Variants in KCNMB1 observed in about 807,000 individuals in gnomAD.
KCNMB1 encodes calcium-activated potassium channel subunit beta-1.
In KCNMB1, 22 loss-of-function variants were observed where a neutral mutation model predicts 21.7. The ratio of observed to expected loss-of-function variants is 1.01; its 90% CI spans 0.72 to 1.45. The LOEUF (loss-of-function observed/expected upper bound fraction) is 1.45. Among genes scored for constraint, KCNMB1 ranks in the 40% most tolerant of loss-of-function variants. The pLI, the probability that KCNMB1 is intolerant of heterozygous loss-of-function variation, is 0.00. For synonymous variants in KCNMB1, 114 were observed against 107.6 expected (o/e 1.06, Z -0.37); for missense variants, 243 against 243.4 (o/e 1.00, Z 0.01).
At chr5:170,383,051 A>AGAAG (rs1320730268) in intron 3 of KCNMB1, 1 of 152,640 alleles carries the variant, frequency 6.6e-6, no homozygotes, top group Non-Finnish European at 1.5e-5. Context: ...AAGGAAAGAA[A>AGAAG]GAAGGAAGGA....
chr5:170,388,024 C>CCAA (rs1554088670), intron 1 of KCNMB1, among the ~76,000 whole-genome samples: 11 of 152,238 alleles, frequency 7.2e-5, no homozygotes, highest in Admixed American at 6.5e-4. Context: ...ATCAGCCCCC[C>CCAA]CCAGCGCCCA....
At chr5:170,379,780 C>G (rs1764164577) in intron 3 of KCNMB1, among the ~76,000 whole-genome samples, 1 of 152,062 alleles carries the variant, frequency 6.6e-6, no homozygotes, top group Non-Finnish European at 1.5e-5. Flanking sequence ...AAGACTTTAT[C>G]TCTACAAAAA....
At chr5:170,388,018 G>GCCC (rs3838244) in intron 1 of KCNMB1, among the ~76,000 whole-genome samples, 1 of 148,796 alleles carries the variant, frequency 6.7e-6, no homozygotes, top group Non-Finnish European at 1.5e-5. Context: ...TGGCTAATCA[G>GCCC]CCCCCCCCAG....
intron 3 of KCNMB1, 129 bp downstream of exon 3, chr5:170,383,550 C>T (rs1764337961): frequency 3.9e-6 from 4 of 1,013,492 alleles, no homozygotes; most frequent in Non-Finnish European, 6.0e-6. Flanking sequence ...CTGGCTCAGT[C>T]TCATTCCAGC....
intron 2 of KCNMB1, 69 bp from the exon 3 acceptor site, chr5:170,383,919 A>T: frequency 2.0e-6 from 3 of 1,523,386 alleles, no homozygotes; most frequent in Non-Finnish European, 1.8e-6. Flanking sequence ...ACCCATTTGA[A>T]CCCATTATCC....
At chr5:170,387,299 C>G (rs796226662) in intron 1 of KCNMB1, among the ~76,000 whole-genome samples, 43 of 152,204 alleles carry the variant, frequency 2.8e-4, no homozygotes, top group African/African-American at 1.0e-3. Flanking sequence ...AGCCAGTGTC[C>G]GGGTGACAGG....
intron 3 of KCNMB1, chr5:170,383,116 T>G: frequency 6.0e-6 from 1 of 167,026 alleles, no homozygotes; most frequent in Non-Finnish European, 1.3e-5. Context: ...TGGTGGTGAG[T>G]TTTGTGTTTT....
At position 170,377,729 on chromosome 5, in the gene KCNMB1, C is replaced by G. The variant is rs932009554; in HGVS notation, c.*975G>C. 3 of 152,208 alleles carry G rather than the reference C, an allele frequency of 2.0e-5. No homozygotes were observed. The highest frequency in any genetic ancestry group is 7.2e-5 in the African/African-American group (3 of 41,416). 9.4% of individuals were successfully genotyped at this position (152,208 alleles called of 1,614,324 possible). ...CTGGGACCACAGGTGCCCACCACCA[C>G]GCCTGGCTAATTTTTTGTATTTTTA... On this transcript the variant is annotated 3_prime_UTR_variant, in exon 4 of 4. Coordinates refer to ENST00000274629, the MANE Select transcript of KCNMB1 (RefSeq NM_004137.4).
At chr5:170,380,216 GT>G (rs1184792769) in intron 3 of KCNMB1, among the ~76,000 whole-genome samples, 2 of 152,222 alleles carry the variant, frequency 1.3e-5, no homozygotes, top group African/African-American at 2.4e-5. Flanking sequence ...ATAAAGCGGA[GT>G]TTTATCTGGT....
At chr5:170,385,787 A>C (rs1379261758) in intron 1 of KCNMB1, among the ~76,000 whole-genome samples, 6 of 152,004 alleles carry the variant, frequency 3.9e-5, no homozygotes, top group African/African-American at 1.2e-4. Flanking sequence ...TATCAATGTT[A>C]CTTTATGTGG....
At position 170,385,314 on chromosome 5, in the gene KCNMB1, C is replaced by T; in HGVS notation, c.134G>A (p.Ser45Asn). The change falls in exon 2 of 4, where the codon AGC (serine) becomes AAC (asparagine). Residue 45 changes from serine to asparagine, a missense_variant and splice_region_variant. Physicochemically the swap from Ser to Asn is conservative, Grantham distance 46. Transcript: ENST00000274629. Reference protein sequence around the residue: ...VTTVLPLYQKSVWTQESKCHL... With the variant: ...VTTVLPLYQKNVWTQESKCHL... Reference sequence around the variant, plus strand: ...TGGGCAGGCCGGGAGAGCTCAGTACCTTTTCTGGTAGAGGGGCAGCACAGT... The same window carrying T: ...TGGGCAGGCCGGGAGAGCTCAGTACTTTTTCTGGTAGAGGGGCAGCACAGT... 1 of 1,614,080 alleles carries T rather than the reference C, an allele frequency of 6.2e-7. No individual in the cohort carries two copies. Among genetic ancestry groups the T allele is most frequent in the Non-Finnish European group, 8.5e-7 (1 of 1,180,004 alleles).
chr5:170,381,367 G>A (rs1009992436), intron 3 of KCNMB1, among the ~76,000 whole-genome samples: 1 of 152,206 alleles, frequency 6.6e-6, no homozygotes, highest in Non-Finnish European at 1.5e-5. Context: ...ACCTGCTCCA[G>A]GCTAAGACTC....
chr5:170,387,433 C>T (rs1194769610), intron 1 of KCNMB1, among the ~76,000 whole-genome samples: 2 of 152,026 alleles, frequency 1.3e-5, no homozygotes, highest in African/African-American at 4.8e-5. Flanking sequence ...TGCCCTCATA[C>T]CCGGGCATCT....
Position 170,383,817 on chromosome 5 carries a change from A to C in KCNMB1, c.168T>G (p.Ile56Met), listed in dbSNP as rs186269343. ...VWTQESKCHL[I>M]ETNIRDQEEL... ...CCTCCTGGTCCCTGATGTTGGTCTC[A>C]ATCAGGTGGCACTTGGATTCCTGGG... Residue 56 changes from isoleucine (I) to methionine (M), a missense_variant, in exon 3 of 4, where the codon ATT becomes ATG. Coordinates refer to ENST00000274629, the MANE Select transcript of KCNMB1 (RefSeq NM_004137.4). 2 of 1,613,964 alleles carry C rather than the reference A, an allele frequency of 1.2e-6. No individual in the cohort carries two copies. The highest frequency in any genetic ancestry group is 1.7e-6 in the Non-Finnish European group (2 of 1,179,992).
chr5:170,379,986 T>A (rs1448449227), intron 3 of KCNMB1, among the ~76,000 whole-genome samples: 1 of 152,022 alleles, frequency 6.6e-6, no homozygotes, highest in Non-Finnish European at 1.5e-5. Flanking sequence ...TAGCTAAATT[T>A]AAAATTGAAA....
In KCNMB1 at chr5:170,383,838, C is replaced by T. The variant is rs1764356588; in HGVS notation, c.147G>A (p.Gln49=). ...LPLYQKSVWT[Q]ESKCHLIETN... ...TCTCAATCAGGTGGCACTTGGATTC[C>T]TGGGTCCACACGCTGAGGAGACCAC... Residue 49 remains glutamine, a synonymous_variant, in exon 3 of 4, where the codon CAG becomes CAA. Transcript: ENST00000274629. The T allele has an allele frequency of 2.5e-6, 4 of 1,613,860 alleles. No individual in the cohort carries two copies. Among genetic ancestry groups the T allele is most frequent in the Middle Eastern group, 1.6e-4 (1 of 6,078 alleles).
Position 170,378,767 on chromosome 5 carries a change from G to A in KCNMB1, c.513C>T (p.Gly171=), listed in dbSNP as rs1475123404. ...LFWPTFLLTG[G]LLIIAMVKSN... ...TCTTCACCATGGCGATAATGAGGAG[G>A]CCACCGGTCAGCAGGAAGGTGGGCC... is the stretch of plus-strand genomic sequence containing the variant. The change falls in exon 4 of 4, where the codon GGC becomes GGT. Residue 171 remains glycine (G), a synonymous_variant. Transcript: ENST00000274629. 2 of 1,614,082 alleles carry A rather than the reference G, an allele frequency of 1.2e-6. No homozygotes were observed. Among genetic ancestry groups the A allele is most frequent in the Non-Finnish European group, 1.7e-6 (2 of 1,180,034 alleles).
At chr5:170,386,205 G>A (rs530527179) in intron 1 of KCNMB1, among the ~76,000 whole-genome samples, 12 of 152,252 alleles carry the variant, frequency 7.9e-5, no homozygotes, top group Middle Eastern at 3.4e-3. Context: ...GCTCCTAAAT[G>A]TAATCCCAAG....
At chr5:170,387,822 C>G (rs142218216) in intron 1 of KCNMB1, among the ~76,000 whole-genome samples, 17 of 152,358 alleles carry the variant, frequency 1.1e-4, no homozygotes, top group African/African-American at 4.1e-4. Flanking sequence ...GCCCCAACAG[C>G]CTGCTTCCCC....
Sources: allele counts gnomAD v4.1 joint callset (sites outside exome capture counted in the v4.1 genomes callset), GRCh38; gene constraint gnomAD v4.1.1; transcripts MANE v1.5; gene names NCBI Gene and HGNC (gene_info 2026-07-23, HGNC 2026-07-21).